LRRC2: variants seen among roughly 807,000 people sequenced by gnomAD.
LRRC2 encodes leucine rich repeat containing 2, also known as leucine-rich repeat-containing protein 2.
Under a neutral mutation model 40.2 loss-of-function variants are expected in LRRC2, and 27 were observed. That is an observed-to-expected ratio of 0.67 (90% CI 0.49 to 0.93). The LOEUF (loss-of-function observed/expected upper bound fraction) is 0.93, where lower values mean the gene tolerates loss of function less well. Among genes scored for constraint, LRRC2 ranks in the 40% least tolerant of loss-of-function variants. LRRC2 has a pLI of 0.00. For synonymous variants in LRRC2, 147 were observed against 158.9 expected (o/e 0.92, Z 0.56); for missense variants, 402 against 439.6 (o/e 0.91, Z 0.76).
rs2106964619 is a variant in LRRC2, at chr3:46,516,256, C to G, written c.*2758G>C. The G allele has an allele frequency of 1.3e-5, 2 of 152,102 alleles. No homozygotes were observed. The highest frequency in any genetic ancestry group is 3.4e-3 in the Middle Eastern group (1 of 296). 9.4% of individuals were successfully genotyped at this position (152,102 alleles called of 1,614,324 possible). A position where few individuals can be genotyped will look rare whatever the true frequency, so the allele number is the denominator to read the frequency against. ...TAGGCGTGAGTCACCGCGCCCGGCC[C>G]TCTTGTCTTCTCTTAGCCTACTTCT... On this transcript the variant is annotated 3_prime_UTR_variant, in exon 9 of 9. Transcript: ENST00000395905.
Position 46,532,771 on chromosome 3 carries a change from A to T in LRRC2, c.627+2T>A. On this transcript the variant is annotated splice_donor_variant, in intron 5 of 8. Coordinates refer to ENST00000395905, the MANE Select transcript of LRRC2 (RefSeq NM_024512.5). LOFTEE classifies it high-confidence loss of function. ...CGTAGTACAGAAATGTTTATCTCTT[A>T]CTTCAAAGGGCAGCTCCATTAATTC... The T allele has an allele frequency of 6.2e-7, 1 of 1,612,070 alleles. No individual in the cohort carries two copies. Among genetic ancestry groups the T allele is most frequent in the Non-Finnish European group, 8.5e-7 (1 of 1,179,264 alleles).
chr3:46,516,149 G>A lies in LRRC2; in HGVS notation c.*2865C>T, dbSNP rs1703858952. 1 of 151,608 alleles carries A rather than the reference G, an allele frequency of 6.6e-6. No individual in the cohort carries two copies. The highest frequency in any genetic ancestry group is 1.5e-5 in the Non-Finnish European group (1 of 67,952). The allele number at this position is 151,608 out of a possible 1,614,324, so 9.4% of individuals were successfully genotyped here. ...TTTTTTGCATTTTTAATAGAGACAG[G>A]GTTTCACTATGTTGTTTAGGCTGGT... On this transcript the variant is annotated 3_prime_UTR_variant, in exon 9 of 9. Transcript: ENST00000395905.
chr3:46,521,939 C>T (rs1204912536), intron 7 of LRRC2, among the ~76,000 whole-genome samples: 1 of 152,218 alleles, frequency 6.6e-6, no homozygotes, highest in African/African-American at 2.4e-5. Context: ...TGGACACTAA[C>T]ACCTCCTCTC....
At chr3:46,556,576 CTTTT>C (rs143635012) in intron 1 of LRRC2, among the ~76,000 whole-genome samples, 1 of 104,768 alleles carries the variant, frequency 9.5e-6, no homozygotes, top group South Asian at 3.3e-4. Flanking sequence ...GTCATTATTT[CTTTT>C]TTTTTTTTTT....
rs1365802138 is a variant in LRRC2, at chr3:46,551,626, A to C, written c.-19-16T>G. On this transcript the variant is annotated splice_polypyrimidine_tract_variant and intron_variant, in intron 1 of 8. Coordinates refer to ENST00000395905, the MANE Select transcript of LRRC2 (RefSeq NM_024512.5). The stretch of plus-strand genomic sequence containing the variant: ...ATGAAATTACCTATTTAAAAAATAT[A>C]TAGATATGTCAGCTTGATACACAAA... 6.3e-7 allele frequency: 1 copy of C among 1,584,496 alleles called. No homozygotes were observed. Among genetic ancestry groups the C allele is most frequent in the African/African-American group, 1.4e-5 (1 of 73,650 alleles).
intron 4 of LRRC2, among the ~76,000 whole-genome samples, chr3:46,533,172 C>T (rs556509666): frequency 6.6e-6 from 1 of 152,272 alleles, no homozygotes. Flanking sequence ...AAGGCTCATG[C>T]CTTCAGTGTG....
At chr3:46,550,538 C>T (rs1704621970) in intron 2 of LRRC2, among the ~76,000 whole-genome samples, 1 of 151,964 alleles carries the variant, frequency 6.6e-6, no homozygotes, top group African/African-American at 2.4e-5. Flanking sequence ...ACTACAGGCG[C>T]CCGCCACCAC....
chr3:46,539,456 C>T (rs1234878064), intron 3 of LRRC2, among the ~76,000 whole-genome samples: 2 of 152,140 alleles, frequency 1.3e-5, no homozygotes, highest in African/African-American at 4.8e-5. Context: ...CTAGTGAACA[C>T]AAAAAACCAG....
intron 3 of LRRC2, among the ~76,000 whole-genome samples, chr3:46,543,357 C>A (rs35167803): frequency 0.22 from 33,506 of 152,058 alleles, 4,060 homozygotes; most frequent in Middle Eastern, 0.34. Flanking sequence ...TGACTCACGC[C>A]TGTAATCCCA....
At position 46,517,275 on chromosome 3, in the gene LRRC2, CTTGT is replaced by C. The variant is rs1032474214; in HGVS notation, c.*1735_*1738del. The C allele has an allele frequency of 6.9e-5, 8 of 115,422 alleles. No individual in the cohort carries two copies. Among genetic ancestry groups the C allele is most frequent in the African/African-American group, 2.1e-4 (7 of 33,532 alleles). 7.1% of individuals were successfully genotyped at this position (115,422 alleles called of 1,614,324 possible). ...TTTTCCTTCTTAGTCACAAAAGCTG[CTTGT>C]TTTTGTTTTTTTTTTTTTAGTTATA... On this transcript the variant is annotated 3_prime_UTR_variant, in exon 9 of 9. Transcript: ENST00000395905.
chr3:46,550,787 T>C (rs778165735), intron 2 of LRRC2, among the ~76,000 whole-genome samples: 1 of 152,314 alleles, frequency 6.6e-6, no homozygotes, highest in East Asian at 1.9e-4. Context: ...GGTCTGCCAA[T>C]GAGAATCCCA....
rs776257045 is a variant in LRRC2, at chr3:46,519,045, G to A, written c.1085C>T (p.Thr362Ile). 5 of 1,609,738 alleles carry A rather than the reference G, an allele frequency of 3.1e-6. No homozygotes were observed. The highest frequency in any genetic ancestry group is 8.5e-7 in the Non-Finnish European group (1 of 1,176,242). The part of the protein sequence containing the change: ...LKERESVPSY[T>I]TKVSFSLQL ...TTGAAGGCTAAAAGACACTTTGGTG[G>A]TATAGCTGGGAACAGATTCTGTAAC... Residue 362 changes from threonine to isoleucine, a missense_variant, in exon 9 of 9, where the codon ACC becomes ATC. By Grantham distance (89) the Thr-to-Ile change is moderately conservative. Coordinates refer to ENST00000395905, the MANE Select transcript of LRRC2 (RefSeq NM_024512.5).
intron 1 of LRRC2, among the ~76,000 whole-genome samples, chr3:46,559,899 G>A (rs1704897387): frequency 6.6e-6 from 1 of 152,188 alleles, no homozygotes; most frequent in Admixed American, 6.5e-5. Flanking sequence ...AATTAAGGGG[G>A]CGTTGAATGT....
rs1424420471 is a variant in LRRC2 at position 46,526,711 on chromosome 3, A to T, written c.929+715T>A. Among the ~76,000 whole-genome samples, 3 of 152,366 alleles carry T rather than the reference A, an allele frequency of 2.0e-5. No individual in the cohort carries two copies. In the East Asian group the frequency reaches 5.8e-4, roughly 29 times the overall value. Reference sequence around the variant, plus strand: ...CTGAAGAACTAGGAGTCCTGGGGAAATATTCTCGCTAGTGGTTGCGTTAAC... The same window carrying T: ...CTGAAGAACTAGGAGTCCTGGGGAATTATTCTCGCTAGTGGTTGCGTTAAC... On this transcript the variant is annotated intron_variant, in intron 7 of 8. Coordinates refer to ENST00000395905, the MANE Select transcript of LRRC2 (RefSeq NM_024512.5).
In LRRC2 at chr3:46,536,032, G is replaced by A. The variant is rs1037638442; in HGVS notation, c.490+3013C>T. ...CAGCCTGATCCTAGAGTCCACCTCC[G>A]CCTTCATGGTGTGATCGGGGGAAAC... On this transcript the variant is annotated intron_variant, in intron 4 of 8. Transcript: ENST00000395905. 2.0e-5 allele frequency among the ~76,000 whole-genome samples: 3 copies of A among 152,258 alleles called. No individual in the cohort carries two copies. The East Asian group carries it at 5.8e-4, about 29-fold the overall frequency.
chr3:46,539,147 T>A lies in LRRC2; in HGVS notation c.388A>T (p.Asn130Tyr). ...QTHLREWYISNTLIQIIPTYI... is the reference protein window; with the variant it reads ...QTHLREWYISYTLIQIIPTYI... ...GTAGGAATGATTTGAATCAAGGTAT[T>A]GCTTATGTACCATTCTCTCAGGTGT... is the stretch of plus-strand genomic sequence containing the variant. The change falls in exon 4 of 9, where the codon AAT becomes TAT. Residue 130 changes from asparagine to tyrosine, a missense_variant. Transcript: ENST00000395905. 1 of 1,614,062 alleles carries A rather than the reference T, an allele frequency of 6.2e-7. No homozygotes were observed. Among genetic ancestry groups the A allele is most frequent in the Non-Finnish European group, 8.5e-7 (1 of 1,179,932 alleles).
chr3:46,540,622 C>A (rs1575352768), intron 3 of LRRC2, among the ~76,000 whole-genome samples: 1 of 152,080 alleles, frequency 6.6e-6, no homozygotes, highest in Non-Finnish European at 1.5e-5. Context: ...CAGTAAGGAT[C>A]CACTACTGAG....
chr3:46,518,945 G>A lies in LRRC2; in HGVS notation c.*69C>T. 9.5e-7 allele frequency: 1 copy of A among 1,053,896 alleles called. No homozygotes were observed. The allele number at this position is 1,053,896 out of a possible 1,614,324, so 65.3% of individuals were successfully genotyped here. On this transcript the variant is annotated 3_prime_UTR_variant, in exon 9 of 9. Transcript: ENST00000395905. ...TAAGCACAAGCCATTCTTCCTATAT[G>A]ACATGATCATAACAAAGATTTATAT...
chr3:46,520,066 T>C (rs1040165993), intron 8 of LRRC2, among the ~76,000 whole-genome samples: 1 of 150,840 alleles, frequency 6.6e-6, no homozygotes, highest in African/African-American at 2.4e-5. Context: ...CTATCATCTC[T>C]AAAGTTAATT....
Sources: allele counts gnomAD v4.1 joint callset (sites outside exome capture counted in the v4.1 genomes callset), GRCh38; gene constraint gnomAD v4.1.1; transcripts MANE v1.5; gene names NCBI Gene and HGNC (gene_info 2026-07-23, HGNC 2026-07-21).